Variants in SERP2 observed in about 807,000 individuals in gnomAD.
SERP2 encodes stress associated endoplasmic reticulum protein family member 2.
In SERP2, 6 loss-of-function variants were observed where a neutral mutation model predicts 9.1. The observed-to-expected ratio is 0.66, with a 90% confidence interval of 0.36 to 1.30. SERP2 has a LOEUF of 1.30. Among genes scored for constraint, SERP2 ranks in the 50% most tolerant of loss-of-function variants. The probability of loss-of-function intolerance (pLI) is 0.03; values close to 1 mark genes in which losing one functional copy is unlikely to be tolerated. For synonymous variants in SERP2, 37 were observed against 27.3 expected (o/e 1.35, Z -1.10); for missense variants, 58 against 81.9 (o/e 0.71, Z 1.13).
intron 1 of SERP2, among the ~76,000 whole-genome samples, chr13:44,375,331 G>A (rs1009949668): frequency 1.3e-5 from 2 of 151,954 alleles, no homozygotes; most frequent in African/African-American, 4.8e-5. Flanking sequence ...TCTACTCAGA[G>A]CTTTATACAC....
chr13:44,378,688 C>G (rs7324377), intron 1 of SERP2, among the ~76,000 whole-genome samples: 60,985 of 151,802 alleles, frequency 0.4, 13,563 homozygotes, highest in East Asian at 0.66. Context: ...TTCACTCTCC[C>G]ATTCTATTTG....
intron 2 of SERP2, among the ~76,000 whole-genome samples, chr13:44,391,626 C>T (rs1238338470): frequency 1.3e-5 from 2 of 152,212 alleles, no homozygotes; most frequent in Admixed American, 6.5e-5. Context: ...GGTGTACTCT[C>T]AGGTAAGTGG....
At chr13:44,374,177 C>CGGGGGGGGGGGGGGGGGTGGGGGGGGG in intron 1 of SERP2, 68 bp downstream of exon 1, 4 of 151,754 alleles carry the variant, frequency 2.6e-5, no homozygotes, top group East Asian at 1.5e-4. Context: ...AAGGTGGGGG[C>CGGGGGGGGGGGGGGGGGTGGGGGGGGG]GGGGCCGGGC....
At position 44,381,989 on chromosome 13, in the gene SERP2, AGGATGGATGGAT is replaced by A. The variant is rs57960396; in HGVS notation, c.157+2313_157+2324del. ...AGTATTTAGCACATAGTTAGTGCTT[AGGATGGATGGAT>A]GGATGGATGGATGGATGGATGGATG... On this transcript the variant is annotated intron_variant, in intron 2 of 2. Coordinates refer to ENST00000379179, the MANE Select transcript of SERP2 (RefSeq NM_001010897.3). Among the ~76,000 whole-genome samples the A allele has an allele frequency of 2.7e-3, 395 of 147,706 alleles. 1 individual carries two copies. Among genetic ancestry groups the A allele is most frequent in the African/African-American group, 8.3e-3 (332 of 40,126 alleles).
chr13:44,396,555 G>A (rs756502374), intron 2 of SERP2, among the ~76,000 whole-genome samples: 6 of 151,986 alleles, frequency 3.9e-5, no homozygotes, highest in African/African-American at 9.7e-5. Context: ...GGGATCTTCC[G>A]CTCCTGGGAC....
chr13:44,393,845 CAAT>C (rs1463856241), intron 2 of SERP2, among the ~76,000 whole-genome samples: 1 of 152,090 alleles, frequency 6.6e-6, no homozygotes, highest in Admixed American at 6.5e-5. Context: ...TTCTTAAAGA[CAAT>C]GATACAACTG....
chr13:44,374,177 C>CGGGGCCGGGCGGGTAGCGGCGCA (rs1871492215), intron 1 of SERP2, 68 bp downstream of exon 1: 1 of 148,486 alleles, frequency 6.7e-6, no homozygotes, highest in Admixed American at 1.1e-4. Flanking sequence ...AAGGTGGGGG[C>CGGGGCCGGGCGGGTAGCGGCGCA]GGGGCCGGGC....
chr13:44,386,503 C>G (rs1445123799), intron 2 of SERP2, among the ~76,000 whole-genome samples: 1 of 152,202 alleles, frequency 6.6e-6, no homozygotes, highest in Non-Finnish European at 1.5e-5. Context: ...CCTGTCTCAG[C>G]TTCCCAAGTA....
intron 2 of SERP2, among the ~76,000 whole-genome samples, chr13:44,393,591 G>A (rs1471571881): frequency 1.3e-5 from 2 of 152,018 alleles, no homozygotes; most frequent in African/African-American, 2.4e-5. Context: ...CCGCTGTCTC[G>A]CCTGCCCACA....
upstream of SERP2, chr13:44,373,760 A>G: frequency 2.4e-6 from 1 of 417,938 alleles, no homozygotes. This position sits in a 1 kb window ranked among gnomAD's most constrained non-coding sequence, Gnocchi z 4.8. Flanking sequence ...CGCGCGGGGT[A>G]GGTGGCTGCG....
At chr13:44,395,025 C>T (rs573990048) in intron 2 of SERP2, among the ~76,000 whole-genome samples, 1 of 152,330 alleles carries the variant, frequency 6.6e-6, no homozygotes, top group South Asian at 2.1e-4. Flanking sequence ...GATATTCAAC[C>T]CAATTCCATC....
In SERP2 at chr13:44,397,274, A is replaced by G. The variant is rs777662445; in HGVS notation, c.160A>G (p.Ile54Val). The G allele has an allele frequency of 2.5e-6, 4 of 1,613,696 alleles. No individual in the cohort carries two copies. Among genetic ancestry groups the G allele is most frequent in the South Asian group, 2.2e-5 (2 of 91,078 alleles). Reference sequence around the variant, plus strand: ...CTGTGGTGTTTTCCTCTTTTCAGCTATCTTTCAGATCATTCAGAGCATAAG... The same window carrying G: ...CTGTGGTGTTTTCCTCTTTTCAGCTGTCTTTCAGATCATTCAGAGCATAAG... The part of the protein sequence containing the change: ...LFVFVVCGSA[I>V]FQIIQSIRMG... Residue 54 changes from isoleucine to valine, a missense_variant and splice_region_variant, in exon 3 of 3, where the codon ATC becomes GTC. Transcript: ENST00000379179.
chr13:44,393,940 A>T (rs1595058535), intron 2 of SERP2, among the ~76,000 whole-genome samples: 1 of 152,316 alleles, frequency 6.6e-6, no homozygotes, highest in East Asian at 1.9e-4. Context: ...CTTTATTCAA[A>T]GTAGTGTCTC....
chr13:44,379,135 T>C (rs1006580313), intron 1 of SERP2, among the ~76,000 whole-genome samples: 2 of 152,214 alleles, frequency 1.3e-5, no homozygotes, highest in African/African-American at 4.8e-5. Flanking sequence ...ATTGAATCTG[T>C]TAATGGAAAA....
intron 2 of SERP2, chr13:44,390,524 C>T (rs1202474113): frequency 9.0e-6 from 4 of 444,534 alleles, no homozygotes; most frequent in Admixed American, 2.4e-5. Flanking sequence ...AGTTCATCCT[C>T]GGGATCTGAG....
rs116788512 is a variant in SERP2, at chr13:44,392,561, C to T, written c.158-4711C>T. Among the ~76,000 whole-genome samples the T allele has an allele frequency of 8.0e-3, 1,220 of 152,120 alleles. 8 individuals are homozygous for T. Among genetic ancestry groups the T allele is most frequent in the African/African-American group, 0.028 (1,167 of 41,488 alleles). On this transcript the variant is annotated intron_variant, in intron 2 of 2. Coordinates refer to ENST00000379179, the MANE Select transcript of SERP2 (RefSeq NM_001010897.3). ...CTTCTGAGGAATGGAAAGAAGGGTG[C>T]ATAATCACAAGATTCCCAGGTAAAA...
chr13:44,379,609 A>G, intron 1 of SERP2, 32 bp from the exon 2 acceptor site: 1 of 1,530,430 alleles, frequency 6.5e-7, no homozygotes. Context: ...GAGTCAATGA[A>G]CCTAATCTTA....
At chr13:44,383,930 G>T (rs548280298) in intron 2 of SERP2, among the ~76,000 whole-genome samples, 1 of 152,196 alleles carries the variant, frequency 6.6e-6, no homozygotes, top group Admixed American at 6.5e-5. Context: ...GGTTAGACAT[G>T]AAATGAGAGT....
chr13:44,394,581 CTGA>C (rs947021271), intron 2 of SERP2, among the ~76,000 whole-genome samples: 7 of 152,198 alleles, frequency 4.6e-5, no homozygotes, highest in African/African-American at 1.7e-4. Context: ...TTACATCCTG[CTGA>C]TAAGTTTTTG....
Sources: allele counts gnomAD v4.1 joint callset (sites outside exome capture counted in the v4.1 genomes callset), GRCh38; gene constraint gnomAD v4.1.1; non-coding constraint Gnocchi (gnomAD v3.1); transcripts MANE v1.5; gene names NCBI Gene and HGNC (gene_info 2026-07-23, HGNC 2026-07-21).